The following CPT1A variants were observed in gnomAD, a reference collection of about 807,000 sequenced individuals.
CPT1A encodes carnitine palmitoyltransferase 1A.
A neutral mutation model predicts 100.8 loss-of-function variants in CPT1A; 64 were observed. The observed-to-expected ratio is 0.63, with a 90% CI of 0.52 to 0.78. The LOEUF is 0.78. CPT1A is among the 30% of genes least tolerant of loss of function. The pLI is 0.00. For missense variants in CPT1A, 802 were observed against 1,034.1 expected (o/e 0.78, Z 3.08); for synonymous variants, 363 against 396.0 (o/e 0.92, Z 0.99).
chr11:68,840,667 G>A (rs1053580887), intron 1 of CPT1A, among the ~76,000 whole-genome samples: 3 of 152,202 alleles, frequency 2.0e-5, no homozygotes. Flanking sequence ...AAGTAAGATC[G>A]GCCCTCATCT....
chr11:68,758,419 G>A (rs772536114), intron 18 of CPT1A, among the ~76,000 whole-genome samples: 2 of 152,188 alleles, frequency 1.3e-5, no homozygotes, highest in Non-Finnish European at 2.9e-5. Flanking sequence ...TGCTAGGGAG[G>A]AGGTCCCTTG....
chr11:68,785,832 G>C (rs187610458), intron 9 of CPT1A: 1 of 544,650 alleles, frequency 1.8e-6, no homozygotes, highest in Non-Finnish European at 3.2e-6. Context: ...CTGAGAACCC[G>C]AGAAATGTTC....
At position 68,794,832 on chromosome 11, in the gene CPT1A, C is replaced by A; in HGVS notation, c.851G>T (p.Arg284Leu). The A allele has an allele frequency of 6.2e-7, 1 of 1,614,088 alleles. No homozygotes were observed. The highest frequency in any genetic ancestry group is 8.5e-7 in the Non-Finnish European group (1 of 1,179,984). ...NAIHAILLYRRKLDREEIKPI... is the reference protein window; with the variant it reads ...NAIHAILLYRLKLDREEIKPI... ...TTTGATTTCCTCCCGGTCCAGTTTG[C>A]GCCTGTAAAGCAGGATGGCATGGAT... is the stretch of plus-strand genomic sequence containing the variant. The change falls in exon 8 of 19, where the codon CGC becomes CTC. Residue 284 changes from arginine (R) to leucine (L), a missense_variant. By Grantham distance (102) the Arg-to-Leu change is moderately radical. Transcript: ENST00000265641.
intron 7 of CPT1A, among the ~76,000 whole-genome samples, 185 bp from the exon 8 acceptor site, chr11:68,795,096 A>C (rs1442740439): frequency 6.6e-6 from 1 of 152,226 alleles, no homozygotes; most frequent in Non-Finnish European, 1.5e-5. Flanking sequence ...GACTTTGTAA[A>C]TGTTTTATGA....
Position 68,812,492 on chromosome 11 carries a change from T to C in CPT1A, c.226A>G (p.Lys76Glu). Residue 76 changes from lysine to glutamate, a missense_variant, in exon 3 of 19, where the codon AAG (lysine) becomes GAG (glutamate). Transcript: ENST00000265641. Reference protein sequence around the residue: ...VVGVMTTMYAKIDPSLGIIAK... With the variant: ...VVGVMTTMYAEIDPSLGIIAK... ...ATTATTCCTAACGAGGGGTCGATCTTGGCGTACATCGTTGTCATCACGCCC... is the reference window on the plus strand; with the variant it reads ...ATTATTCCTAACGAGGGGTCGATCTCGGCGTACATCGTTGTCATCACGCCC... 6.2e-7 allele frequency: 1 copy of C among 1,614,190 alleles called. No homozygotes were observed. Among genetic ancestry groups the C allele is most frequent in the Non-Finnish European group, 8.5e-7 (1 of 1,180,020 alleles).
intron 13 of CPT1A, 100 bp downstream of exon 13, chr11:68,775,216 C>A (rs1855110475): frequency 1.0e-6 from 1 of 1,000,926 alleles, no homozygotes; most frequent in African/African-American, 1.6e-5. Flanking sequence ...CAACTGAGCT[C>A]ATGATAGGGC....
Position 68,757,285 on chromosome 11 carries a change from G to A in CPT1A, c.*359C>T, listed in dbSNP as rs954784867. 85 of 1,157,528 alleles carry A rather than the reference G, an allele frequency of 7.3e-5. No homozygotes were observed. Among genetic ancestry groups the A allele is most frequent in the Non-Finnish European group, 8.5e-5 (79 of 931,826 alleles). The allele number at this position is 1,157,528 out of a possible 1,614,324, so 71.7% of individuals were successfully genotyped here. The stretch of plus-strand genomic sequence containing the variant: ...AAATGCCCTTAAGCACTAGGCCTTC[G>A]GTTGCCACTGAGAAAGCACACCATT... On this transcript the variant is annotated 3_prime_UTR_variant, in exon 19 of 19. Transcript: ENST00000265641.
chr11:68,760,410 C>T lies in CPT1A; in HGVS notation c.2029-72G>A, dbSNP rs180714811. The T allele has an allele frequency of 3.8e-5, 45 of 1,187,418 alleles. 1 individual carries two copies. The highest frequency in any genetic ancestry group is 2.0e-4 in the East Asian group (8 of 39,452). The allele number at this position is 1,187,418 out of a possible 1,614,324, so 73.6% of individuals were successfully genotyped here. A position where few individuals can be genotyped will look rare whatever the true frequency, so the allele number is the denominator to read the frequency against. On this transcript the variant is annotated intron_variant, in intron 16 of 18. Transcript: ENST00000265641. ...TCCCTCAGGAGTCGCTTTGGGAAGA[C>T]GAGAAAAGCCTGGCTTGGTCTTTTG...
chr11:68,817,897 T>A (rs910436391), intron 1 of CPT1A, among the ~76,000 whole-genome samples: 1 of 151,528 alleles, frequency 6.6e-6, no homozygotes, highest in African/African-American at 2.4e-5. Flanking sequence ...CACAGGTGGC[T>A]GGGGTCGACA....
At chr11:68,817,335 A>G (rs1220310094) in intron 1 of CPT1A, among the ~76,000 whole-genome samples, 1 of 152,194 alleles carries the variant, frequency 6.6e-6, no homozygotes, top group Non-Finnish European at 1.5e-5. Context: ...GCCAAAACAC[A>G]GAACCATCCG....
chr11:68,781,988 G>A, intron 10 of CPT1A, 29 bp from the exon 11 acceptor site: 1 of 1,603,718 alleles, frequency 6.2e-7, no homozygotes, highest in Non-Finnish European at 8.5e-7. Flanking sequence ...ACGATTAAAG[G>A]CAGCCCGACC....
At chr11:68,840,240 A>G (rs946227494) in intron 1 of CPT1A, among the ~76,000 whole-genome samples, 6 of 152,172 alleles carry the variant, frequency 3.9e-5, no homozygotes, top group African/African-American at 1.2e-4. Context: ...TATGTCCTCA[A>G]TTTATTGCTA....
Position 68,759,530 on chromosome 11 carries a change from AC to A in CPT1A, c.2235+38del, listed in dbSNP as rs1454600008. The A allele has an allele frequency of 8.6e-6, 11 of 1,285,712 alleles. No individual in the cohort carries two copies. The African/African-American group carries it at 1.3e-4, about 15-fold the overall frequency. The allele number at this position is 1,285,712 out of a possible 1,614,324, so 79.6% of individuals were successfully genotyped here. On this transcript the variant is annotated intron_variant, in intron 18 of 18. Transcript: ENST00000265641. The stretch of plus-strand genomic sequence containing the variant: ...TCCTTAAAAAGAATAAAGCAAAAAT[AC>A]CCCATCTTCAGAAAAAGGAACTTCT...
At chr11:68,796,238 C>G (rs1855751782) in intron 7 of CPT1A, among the ~76,000 whole-genome samples, 1 of 152,146 alleles carries the variant, frequency 6.6e-6, no homozygotes, top group Admixed American at 6.6e-5. Flanking sequence ...CGCTGTGGCA[C>G]CAAGTTCCAG....
chr11:68,775,656 C>T (rs377629344), intron 12 of CPT1A, among the ~76,000 whole-genome samples: 58 of 152,256 alleles, frequency 3.8e-4, no homozygotes, highest in African/African-American at 1.1e-3. Context: ...AAGTTTGTGA[C>T]GCTCTCCTTT....
intron 12 of CPT1A, among the ~76,000 whole-genome samples, 169 bp downstream of exon 12, chr11:68,780,471 A>T (rs1479740637): frequency 6.6e-6 from 1 of 152,138 alleles, no homozygotes; most frequent in African/African-American, 2.4e-5. Context: ...TTTAGTAGAG[A>T]CGGGGTTTCA....
At chr11:68,791,656 C>G (rs1855617483) in intron 9 of CPT1A, among the ~76,000 whole-genome samples, 1 of 152,136 alleles carries the variant, frequency 6.6e-6, no homozygotes, top group African/African-American at 2.4e-5. Flanking sequence ...TCTGCCTTAG[C>G]CTCCCAAGTA....
intron 5 of CPT1A, 131 bp from the exon 6 acceptor site, chr11:68,799,486 T>A: frequency 1.0e-6 from 1 of 1,002,596 alleles, no homozygotes. Context: ...TGGTGGCTCA[T>A]GCTTGTAATC....
chr11:68,798,094 T>C (rs563225973), intron 6 of CPT1A, among the ~76,000 whole-genome samples: 2 of 152,328 alleles, frequency 1.3e-5, no homozygotes, highest in East Asian at 1.9e-4. Context: ...GGCACTAACC[T>C]GGTGTTCCGC....
Sources: allele counts gnomAD v4.1 joint callset (sites outside exome capture counted in the v4.1 genomes callset), GRCh38; gene constraint gnomAD v4.1.1; transcripts MANE v1.5; gene names NCBI Gene and HGNC (gene_info 2026-07-23, HGNC 2026-07-21).